TCP11L1: variants seen among roughly 807,000 people sequenced by gnomAD.
TCP11L1 encodes t-complex 11 like 1, also known as T-complex protein 11-like protein 1.
TCP11L1 carries 28 observed loss-of-function variants against 48.9 expected under a neutral mutation model. The ratio of observed to expected loss-of-function variants is 0.57; its 90% confidence interval spans 0.42 to 0.78. TCP11L1 has a LOEUF of 0.78. Ranked by LOEUF, TCP11L1 falls within the 30% of genes least tolerant of loss-of-function variation. The pLI is 0.00. For missense variants in TCP11L1, 505 were observed against 613.4 expected (o/e 0.82, Z 1.87); for synonymous variants, 204 against 231.9 (o/e 0.88, Z 1.09).
intron 1 of TCP11L1, among the ~76,000 whole-genome samples, chr11:33,042,288 C>T (rs978937036): frequency 1.3e-5 from 2 of 152,106 alleles, no homozygotes; most frequent in African/African-American, 4.8e-5. Flanking sequence ...CGCCACCATG[C>T]CAGGCCAATT....
chr11:33,066,039 G>T, intron 8 of TCP11L1, 28 bp downstream of exon 8: 1 of 1,611,070 alleles, frequency 6.2e-7, no homozygotes, highest in South Asian at 1.1e-5. Flanking sequence ...GCGTGGATGG[G>T]ACGCAGTGGA....
rs531674329 is a variant in TCP11L1 at position 33,063,264 on chromosome 11, A to G, written c.972+1538A>G. Among the ~76,000 whole-genome samples, 4 of 152,320 alleles carry G rather than the reference A, an allele frequency of 2.6e-5. No homozygotes were observed. In the East Asian group the frequency reaches 7.7e-4, roughly 29 times the overall value. ...ACAAACATTTGGGTTGTTATTATAA[A>G]TTATGCTTCTGTGAATATTCCAGTA... On this transcript the variant is annotated intron_variant, in intron 7 of 9. Transcript: ENST00000334274.
At chr11:33,040,210 C>G (rs1276637533) in intron 1 of TCP11L1, 1 of 152,152 alleles carries the variant, frequency 6.6e-6, no homozygotes, top group Admixed American at 6.5e-5. Flanking sequence ...TTGGCAAGTG[C>G]GAGGATCCTC....
intron 2 of TCP11L1, among the ~76,000 whole-genome samples, chr11:33,052,117 G>T (rs1244406675): frequency 1.3e-5 from 2 of 151,912 alleles, no homozygotes; most frequent in Non-Finnish European, 2.9e-5. Context: ...GGAGGGAGAG[G>T]ATCAAGAAAA....
At chr11:33,049,973 C>T (rs1854111350) in intron 2 of TCP11L1, among the ~76,000 whole-genome samples, 2 of 152,154 alleles carry the variant, frequency 1.3e-5, no homozygotes, top group South Asian at 4.1e-4. Context: ...AGGCAGAGGC[C>T]CCTGCTGGAG....
At chr11:33,064,501 C>T (rs913914288) in intron 7 of TCP11L1, among the ~76,000 whole-genome samples, 1 of 152,190 alleles carries the variant, frequency 6.6e-6, no homozygotes, top group South Asian at 2.1e-4. Flanking sequence ...CAGCCTTTCC[C>T]TTCTCCTTCC....
At chr11:33,072,376 TTC>T (rs1854818712) in intron 9 of TCP11L1, 96 bp from the exon 10 acceptor site, 1 of 1,283,608 alleles carries the variant, frequency 7.8e-7, no homozygotes, top group Non-Finnish European at 1.1e-6. Context: ...CGGGGACAAC[TTC>T]CCCTAAGAGG....
rs73489452 is a variant in TCP11L1, at chr11:33,067,633, C to T, written c.1155-1054C>T. On this transcript the variant is annotated intron_variant, in intron 8 of 9. Transcript: ENST00000334274. ...ATCCAGGTCAGTGCTTTCTTGGGAG[C>T]CCAGCCTTGCACTCCCATATCCTCC... is the stretch of plus-strand genomic sequence containing the variant. Among the ~76,000 whole-genome samples the T allele has an allele frequency of 6.2e-3, 952 of 152,334 alleles. 5 individuals are homozygous for T. Among genetic ancestry groups the T allele is most frequent in the African/African-American group, 0.021 (891 of 41,574 alleles).
rs775284216 is a variant in TCP11L1, at chr11:33,054,631, G to C, written c.202G>C (p.Glu68Gln). ...CTTTGTGACAGTAGAAGAACTTCTA[G>C]AGACAGCGAGAGGTGTCACCAACAT... ...PRFVTVEELL[E>Q]TARGVTNMAL... is the part of the protein sequence containing the mutation. The change falls in exon 3 of 10, where the codon GAG (glutamate) becomes CAG (glutamine). Residue 68 changes from glutamate (E) to glutamine (Q), a missense_variant. Physicochemically the swap from Glu to Gln is conservative, Grantham distance 29. Coordinates refer to ENST00000334274, the MANE Select transcript of TCP11L1 (RefSeq NM_018393.4). 6.2e-7 allele frequency: 1 copy of C among 1,613,990 alleles called. No individual in the cohort carries two copies. The highest frequency in any genetic ancestry group is 1.7e-5 in the Admixed American group (1 of 59,980).
chr11:33,062,712 CT>C (rs1438139193), intron 7 of TCP11L1, among the ~76,000 whole-genome samples: 2 of 152,214 alleles, frequency 1.3e-5, no homozygotes, highest in African/African-American at 4.8e-5. Context: ...CACCATTCTA[CT>C]TTGAGTCTCT....
At chr11:33,046,937 G>A (rs1854013461) in intron 2 of TCP11L1, among the ~76,000 whole-genome samples, 1 of 147,798 alleles carries the variant, frequency 6.8e-6, no homozygotes, top group Non-Finnish European at 1.5e-5. Flanking sequence ...GAGTGGAGTT[G>A]CTAGGCCAGG....
intron 2 of TCP11L1, among the ~76,000 whole-genome samples, chr11:33,047,577 T>C (rs1854036390): frequency 6.6e-6 from 1 of 152,212 alleles, no homozygotes; most frequent in South Asian, 2.1e-4. Context: ...TGAATTTAAT[T>C]AGTAGATCCC....
chr11:33,055,058 G>T (rs1854271664), intron 3 of TCP11L1, among the ~76,000 whole-genome samples: 1 of 152,222 alleles, frequency 6.6e-6, no homozygotes, highest in African/African-American at 2.4e-5. Context: ...TGTCCCTAGT[G>T]CCTGGCACTT....
intron 2 of TCP11L1, among the ~76,000 whole-genome samples, chr11:33,054,044 T>C (rs931266007): frequency 6.6e-6 from 1 of 152,048 alleles, no homozygotes; most frequent in African/African-American, 2.4e-5. Context: ...CTCCAACCCC[T>C]GGCCTCAAAT....
At chr11:33,051,329 G>A (rs1357776693) in intron 2 of TCP11L1, among the ~76,000 whole-genome samples, 1 of 151,528 alleles carries the variant, frequency 6.6e-6, no homozygotes, top group African/African-American at 2.4e-5. Flanking sequence ...CATCACGCCC[G>A]GCTAATTTTT....
chr11:33,047,996 T>G (rs1040982758), intron 2 of TCP11L1, among the ~76,000 whole-genome samples: 1 of 152,154 alleles, frequency 6.6e-6, no homozygotes, highest in African/African-American at 2.4e-5. Flanking sequence ...CATTCTAAAT[T>G]AGAACTTCAT....
chr11:33,058,954 T>C lies in TCP11L1; in HGVS notation c.639-5T>C. The C allele has an allele frequency of 1.9e-6, 3 of 1,611,038 alleles. No homozygotes were observed. The highest frequency in any genetic ancestry group is 2.2e-5 in the South Asian group (2 of 90,098). On this transcript the variant is annotated splice_region_variant and splice_polypyrimidine_tract_variant and intron_variant, in intron 5 of 9. Transcript: ENST00000334274. ...TGCTTGCTTCTAAATCCTTTTTTCT[T>C]TCAGAGAAATTTTTTCTGTGTTGGA...
At position 33,065,980 on chromosome 11, in the gene TCP11L1, G is replaced by A; in HGVS notation, c.1123G>A (p.Val375Met). The A allele has an allele frequency of 6.2e-7, 1 of 1,614,178 alleles. No homozygotes were observed. The highest frequency in any genetic ancestry group is 8.5e-7 in the Non-Finnish European group (1 of 1,180,006). The change falls in exon 8 of 10, where the codon GTG becomes ATG. Residue 375 changes from valine (V) to methionine (M), a missense_variant. Val to Met is a conservative substitution (Grantham distance 21). This residue lies in a region of TCP11L1 where 335 missense variants were observed against 413.3 expected (regional missense o/e 0.81). Coordinates refer to ENST00000334274, the MANE Select transcript of TCP11L1 (RefSeq NM_018393.4). ...ADFAEKLKMI[V>M]KILLTDMHLP... Reference sequence around the variant, plus strand: ...CTTTGCTGAGAAACTCAAGATGATTGTGAAGATTTTGCTAACAGATATGCA... The same window carrying A: ...CTTTGCTGAGAAACTCAAGATGATTATGAAGATTTTGCTAACAGATATGCA...
intron 9 of TCP11L1, 44 bp downstream of exon 9, chr11:33,068,903 G>A (rs371182541): frequency 1.9e-6 from 3 of 1,591,386 alleles, no homozygotes; most frequent in Non-Finnish European, 2.6e-6. Context: ...CCCTCTGAGG[G>A]GCTGGAGCAC....
Sources: allele counts gnomAD v4.1 joint callset (sites outside exome capture counted in the v4.1 genomes callset), GRCh38; gene constraint gnomAD v4.1.1; regional missense constraint gnomAD v4.1.1; transcripts MANE v1.5; gene names NCBI Gene and HGNC (gene_info 2026-07-23, HGNC 2026-07-21).